The following SLC39A11 variants were observed in gnomAD, a reference collection of about 807,000 sequenced individuals.
SLC39A11 encodes the protein solute carrier family 39 member 11.
SLC39A11 carries 33 observed loss-of-function variants against 36.1 expected under a neutral mutation model. That is an observed-to-expected ratio of 0.91 (90% CI 0.69 to 1.22). SLC39A11 has a LOEUF of 1.22. SLC39A11 is among the 50% of genes most tolerant of loss of function. The pLI, the probability that SLC39A11 is intolerant of heterozygous loss-of-function variation, is 0.00. For synonymous variants in SLC39A11, 166 were observed against 170.3 expected (o/e 0.97, Z 0.20); for missense variants, 432 against 430.3 (o/e 1.00, Z -0.03).
At chr17:73,052,478 A>AGAT (rs2059538251) in intron 3 of SLC39A11, among the ~76,000 whole-genome samples, 1 of 152,180 alleles carries the variant, frequency 6.6e-6, no homozygotes, top group African/African-American at 2.4e-5. Flanking sequence ...GGAGAGTGAG[A>AGAT]GATTAAGTCC....
Position 72,676,014 on chromosome 17 carries a change from C to T in SLC39A11, c.672-26746G>A, listed in dbSNP as rs188526668. 6.0e-3 allele frequency among the ~76,000 whole-genome samples: 914 copies of T among 151,840 alleles called. 4 individuals are homozygous for T. Among genetic ancestry groups the T allele is most frequent in the South Asian group, 0.021 (99 of 4,810 alleles). ...AATTTACTTGAGGATCCTGCCCAGCCAAAGTCCTAAAGGTGGGTTACAAGC... is the reference window on the plus strand; with the variant it reads ...AATTTACTTGAGGATCCTGCCCAGCTAAAGTCCTAAAGGTGGGTTACAAGC... On this transcript the variant is annotated intron_variant, in intron 7 of 9. Transcript: ENST00000255559.
intron 5 of SLC39A11, among the ~76,000 whole-genome samples, chr17:72,877,102 A>C (rs1001221932): frequency 6.6e-6 from 1 of 152,248 alleles, no homozygotes; most frequent in African/African-American, 2.4e-5. Flanking sequence ...TTATCAAAAG[A>C]GCCAAAAGAA....
intron 5 of SLC39A11, among the ~76,000 whole-genome samples, chr17:72,878,257 G>A (rs2081022387): frequency 1.3e-5 from 2 of 152,084 alleles, no homozygotes; most frequent in Non-Finnish European, 2.9e-5. Flanking sequence ...CGTCCCTAGA[G>A]GGACCTTGAC....
At chr17:72,809,203 CT>C (rs67690689) in intron 6 of SLC39A11, among the ~76,000 whole-genome samples, 57,397 of 143,712 alleles carry the variant, frequency 0.4, 12,849 homozygotes, top group Non-Finnish European at 0.54. Flanking sequence ...TTTTCTTTCT[CT>C]CTCTCTCTCT....
intron 6 of SLC39A11, among the ~76,000 whole-genome samples, chr17:72,762,575 A>G (rs2144570253): frequency 6.6e-6 from 1 of 152,340 alleles, no homozygotes; most frequent in Admixed American, 6.5e-5. Context: ...AGCTCTGCCT[A>G]TGGAGAAGCC....
intron 6 of SLC39A11, chr17:72,838,122 T>G (rs1436775197): frequency 4.4e-6 from 2 of 450,660 alleles, no homozygotes; most frequent in Non-Finnish European, 7.3e-6. Context: ...TTGTCTCTAC[T>G]GGAAGAAAAA....
chr17:72,754,863 G>C (rs558678307), intron 6 of SLC39A11, among the ~76,000 whole-genome samples: 1 of 152,228 alleles, frequency 6.6e-6, no homozygotes, highest in African/African-American at 2.4e-5. Context: ...AAGCATGCCC[G>C]TGTGAGTGTG....
chr17:72,903,541 A>T (rs559582453), intron 5 of SLC39A11, among the ~76,000 whole-genome samples: 2 of 152,318 alleles, frequency 1.3e-5, no homozygotes, highest in East Asian at 3.9e-4. Context: ...GTTTATTTGC[A>T]GCACTGTGAC....
intron 7 of SLC39A11, among the ~76,000 whole-genome samples, chr17:72,674,173 C>T (rs1006419701): frequency 6.6e-6 from 1 of 152,156 alleles, no homozygotes; most frequent in Admixed American, 6.6e-5. Context: ...GCCACATACC[C>T]TCTCTAGGTA....
intron 7 of SLC39A11, among the ~76,000 whole-genome samples, chr17:72,692,911 A>T (rs540987659): frequency 4.6e-5 from 7 of 152,340 alleles, no homozygotes; most frequent in African/African-American, 1.7e-4. Flanking sequence ...GACGGGGCTC[A>T]GACCTAACCA....
intron 4 of SLC39A11, among the ~76,000 whole-genome samples, chr17:73,027,874 G>A (rs577609239): frequency 4.6e-5 from 7 of 152,064 alleles, no homozygotes; most frequent in Non-Finnish European, 8.8e-5. Context: ...CCAGACTTCC[G>A]CATCTCCTTA....
chr17:72,646,576 T>G lies in SLC39A11; in HGVS notation c.*1008A>C, dbSNP rs1369446155. 1.5e-5 allele frequency: 2 copies of G among 136,704 alleles called. No individual in the cohort carries two copies. The highest frequency in any genetic ancestry group is 4.0e-4 in the East Asian group (2 of 5,000). The allele number at this position is 136,704 out of a possible 1,614,324, so 8.5% of individuals were successfully genotyped here. The stretch of plus-strand genomic sequence containing the variant: ...TCCTGAGCCCTCTGGCAAGGCCTGT[T>G]GCAGCTCAAGAGTTTTTGTCAGATT... On this transcript the variant is annotated 3_prime_UTR_variant, in exon 10 of 10. Transcript: ENST00000255559.
At chr17:72,905,050 G>A (rs1016106213) in intron 5 of SLC39A11, among the ~76,000 whole-genome samples, 1 of 151,774 alleles carries the variant, frequency 6.6e-6, no homozygotes, top group Non-Finnish European at 1.5e-5. Flanking sequence ...GCGGGCACCT[G>A]TAGTCCCAGC....
chr17:72,829,046 G>C (rs576272094), intron 6 of SLC39A11, among the ~76,000 whole-genome samples: 2 of 152,074 alleles, frequency 1.3e-5, no homozygotes, highest in Admixed American at 6.5e-5. Context: ...AGGAGAAAAC[G>C]AAGCAACAAA....
At chr17:72,740,994 G>A (rs1189425281) in intron 6 of SLC39A11, among the ~76,000 whole-genome samples, 3 of 151,990 alleles carry the variant, frequency 2.0e-5, no homozygotes, top group East Asian at 1.9e-4. Flanking sequence ...GGCTGGTCTC[G>A]AACTCCTGAC....
At chr17:73,051,465 T>C (rs1484153763) in intron 3 of SLC39A11, among the ~76,000 whole-genome samples, 1 of 151,924 alleles carries the variant, frequency 6.6e-6, no homozygotes, top group South Asian at 2.1e-4. Flanking sequence ...GTTTGGGGAC[T>C]GTGCAACTTG....
At chr17:73,084,437 CAAAAAAAAAAAAAA>C (rs67639617) in intron 3 of SLC39A11, among the ~76,000 whole-genome samples, 2 of 61,662 alleles carry the variant, frequency 3.2e-5, no homozygotes, top group Non-Finnish European at 5.6e-5. Context: ...GGCTCTGTCT[CAAAAAAAAAAAAAA>C]AAAAAAAAAA....
chr17:72,777,512 C>A (rs982613123), intron 6 of SLC39A11, among the ~76,000 whole-genome samples: 1 of 152,072 alleles, frequency 6.6e-6, no homozygotes, highest in African/African-American at 2.4e-5. Flanking sequence ...AAAACCGAAA[C>A]CCAGAGACAT....
intron 7 of SLC39A11, among the ~76,000 whole-genome samples, chr17:72,689,376 G>A (rs1490273667): frequency 6.6e-6 from 1 of 152,176 alleles, no homozygotes; most frequent in Non-Finnish European, 1.5e-5. Flanking sequence ...GGCCCGATGG[G>A]GCAGTTTTGA....
Sources: allele counts gnomAD v4.1 joint callset (sites outside exome capture counted in the v4.1 genomes callset), GRCh38; gene constraint gnomAD v4.1.1; transcripts MANE v1.5; gene names NCBI Gene and HGNC (gene_info 2026-07-23, HGNC 2026-07-21).